ZFYVE26: variants seen among roughly 807,000 people sequenced by gnomAD.
The protein encoded by ZFYVE26 is zinc finger FYVE domain-containing protein 26.
Under a neutral mutation model 276.5 loss-of-function variants are expected in ZFYVE26, and 181 were observed. That is an observed-to-expected ratio of 0.65 (90% CI 0.58 to 0.74). ZFYVE26 has a LOEUF of 0.74. ZFYVE26 is among the 30% of genes least tolerant of loss of function. The probability of loss-of-function intolerance (pLI) is 0.00; values close to 1 mark genes in which losing one functional copy is unlikely to be tolerated. For missense variants in ZFYVE26, 2,821 were observed against 3,097.9 expected, an observed-to-expected ratio of 0.91 and a Z score of 2.12; for synonymous variants, 1,129 against 1,203.1, an observed-to-expected ratio of 0.94 and a Z score of 1.27.
intron 13 of ZFYVE26, among the ~76,000 whole-genome samples, chr14:67,738,598 T>G (rs2038379019): frequency 6.6e-6 from 1 of 151,940 alleles, no homozygotes; most frequent in Non-Finnish European, 1.5e-5. Context: ...ATTACACACA[T>G]GTAATATATA....
intron 25 of ZFYVE26, 34 bp downstream of exon 25, chr14:67,777,525 C>A (rs935716782): frequency 1.2e-6 from 2 of 1,612,194 alleles, no homozygotes; most frequent in Admixed American, 1.7e-5. Context: ...TTGGATCCCA[C>A]ATACAGCGCC....
intron 19 of ZFYVE26, among the ~76,000 whole-genome samples, 178 bp from the exon 20 acceptor site, chr14:67,784,614 T>C (rs1425391614): frequency 6.6e-6 from 1 of 152,210 alleles, no homozygotes; most frequent in African/African-American, 2.4e-5. Context: ...AAGTTTTATC[T>C]ATATCTTACC....
Position 67,778,111 on chromosome 14 carries a change from G to A in ZFYVE26, c.4797+15C>T. The stretch of plus-strand genomic sequence containing the variant: ...TCCCACCCCAGAAGAAAAATGGAAA[G>A]AACTGGGGGCTTACTTGCAGAGCCT... On this transcript the variant is annotated intron_variant, in intron 24 of 41. Transcript: ENST00000347230. The A allele has an allele frequency of 6.2e-7, 1 of 1,614,130 alleles. No homozygotes were observed. The highest frequency in any genetic ancestry group is 8.5e-7 in the Non-Finnish European group (1 of 1,179,998).
chr14:67,776,398 T>C (rs576798821), intron 25 of ZFYVE26, among the ~76,000 whole-genome samples: 3 of 152,334 alleles, frequency 2.0e-5, no homozygotes, highest in Admixed American at 6.5e-5. Flanking sequence ...GTCTCAAACA[T>C]TCAGCTCTGC....
At position 67,790,670 on chromosome 14, in the gene ZFYVE26, T is replaced by A. The variant is rs564425584; in HGVS notation, c.2657A>T (p.Lys886Met). 1.2e-6 allele frequency: 2 copies of A among 1,614,216 alleles called. No individual in the cohort carries two copies. Among genetic ancestry groups the A allele is most frequent in the Non-Finnish European group, 8.5e-7 (1 of 1,180,012 alleles). Reference sequence around the variant, plus strand: ...CGCATCTGAGTTCTGGTTTTCAATCTTGTGCTCTACTTGGGCCAGTTCTTG... The same window carrying A: ...CGCATCTGAGTTCTGGTTTTCAATCATGTGCTCTACTTGGGCCAGTTCTTG... ...VIQELAQVEH[K>M]IENQNSDAGS... Residue 886 changes from lysine to methionine, a missense_variant, in exon 15 of 42, where the codon AAG becomes ATG. Physicochemically the swap from Lys to Met is moderately conservative, Grantham distance 95 (BLOSUM62 -1). Coordinates refer to ENST00000347230, the MANE Select transcript of ZFYVE26 (RefSeq NM_015346.4).
At chr14:67,789,639 G>A (rs1746170389) in intron 15 of ZFYVE26, 41 bp from the exon 16 acceptor site, 3 of 1,612,858 alleles carry the variant, frequency 1.9e-6, no homozygotes, top group Non-Finnish European at 2.5e-6. Flanking sequence ...AGGGTTAAAA[G>A]GATTCTTACT....
At chr14:67,795,872 A>T (rs1252402145) in intron 12 of ZFYVE26, among the ~76,000 whole-genome samples, 1 of 152,234 alleles carries the variant, frequency 6.6e-6, no homozygotes. Context: ...GACCTTAGAC[A>T]TTAGGCAGTT....
intron 13 of ZFYVE26, among the ~76,000 whole-genome samples, chr14:67,734,868 A>T (rs2038333132): frequency 6.6e-6 from 1 of 152,084 alleles, no homozygotes; most frequent in South Asian, 2.1e-4. Context: ...AGAATGCATC[A>T]TTTCCTGCCG....
At chr14:67,731,235 G>A (rs1262610297) in intron 13 of ZFYVE26, among the ~76,000 whole-genome samples, 5 of 103,582 alleles carry the variant, frequency 4.8e-5, no homozygotes, top group Non-Finnish European at 7.1e-5. Context: ...TTTTTTTGGA[G>A]ACATAGTCTC....
At chr14:67,742,838 C>CTTCTTTTTTT (rs769663149), downstream of ZFYVE26, among the ~76,000 whole-genome samples, 351 of 89,732 alleles carry the variant, frequency 3.9e-3, no homozygotes, top group Non-Finnish European at 5.3e-3. Context: ...TCTTCTTCTT[C>CTTCTTTTTTT]TTTTTTTTTT....
intron 35 of ZFYVE26, 159 bp downstream of exon 35, chr14:67,761,207 T>A: frequency 1.4e-6 from 1 of 739,032 alleles, no homozygotes; most frequent in Non-Finnish European, 2.4e-6. Context: ...GAATAACAGT[T>A]GTGCAGAGTC....
chr14:67,772,598 A>AG (rs112792562), intron 27 of ZFYVE26, among the ~76,000 whole-genome samples: 2 of 152,166 alleles, frequency 1.3e-5, no homozygotes, highest in African/African-American at 2.4e-5. Context: ...AAAAAGAGGT[A>AG]GGGGGGATAA....
chr14:67,796,358 A>G (rs2039953368), intron 12 of ZFYVE26: 2 of 151,430 alleles, frequency 1.3e-5, no homozygotes, highest in African/African-American at 4.9e-5. Flanking sequence ...GGCACCCACC[A>G]CTACACCGAG....
intron 35 of ZFYVE26, among the ~76,000 whole-genome samples, chr14:67,760,348 C>G (rs1234893772): frequency 1.3e-5 from 2 of 152,208 alleles, no homozygotes; most frequent in East Asian, 3.8e-4. Flanking sequence ...AAAACACCCC[C>G]CTTCAGTGTC....
intron 10 of ZFYVE26, among the ~76,000 whole-genome samples, chr14:67,800,926 T>A (rs2874133): frequency 0.039 from 730 of 18,670 alleles, 10 homozygotes; most frequent in East Asian, 0.18. Flanking sequence ...AGTTACCGTA[T>A]AAATAAATAA....
Position 67,798,666 on chromosome 14 carries a change from C to T in ZFYVE26, c.1640-44G>A, listed in dbSNP as rs575450001. The T allele has an allele frequency of 5.0e-6, 8 of 1,612,368 alleles. No homozygotes were observed. In the East Asian group the frequency reaches 1.1e-4, roughly 22 times the overall value. On this transcript the variant is annotated intron_variant, in intron 10 of 41. Transcript: ENST00000347230. Reference sequence around the variant, plus strand: ...GAGAAGAGGCCAGAGAAAGAGAAGACAGAGAATGCAAACATTAGAAACATT... The same window carrying T: ...GAGAAGAGGCCAGAGAAAGAGAAGATAGAGAATGCAAACATTAGAAACATT...
intron 41 of ZFYVE26, among the ~76,000 whole-genome samples, chr14:67,748,850 T>A (rs984447779): frequency 5.3e-5 from 8 of 152,198 alleles, no homozygotes; most frequent in Admixed American, 3.9e-4. Flanking sequence ...TAAAAAGTTA[T>A]TACAAATAAG....
chr14:67,813,967 TTA>T lies in ZFYVE26; in HGVS notation c.273+17_273+18del. On this transcript the variant is annotated intron_variant, in intron 3 of 41. Coordinates refer to ENST00000347230, the MANE Select transcript of ZFYVE26 (RefSeq NM_015346.4). ...CTCAGTCCTGGCCTCGGAGGAAAATTTAATATAAACCTACTTACCTTTTCCCG... is the reference window on the plus strand; with the variant it reads ...CTCAGTCCTGGCCTCGGAGGAAAATTATATAAACCTACTTACCTTTTCCCG... 1 of 1,599,802 alleles carries T rather than the reference TTA, an allele frequency of 6.3e-7. No homozygotes were observed. Among genetic ancestry groups the T allele is most frequent in the South Asian group, 1.1e-5 (1 of 90,600 alleles).
In ZFYVE26 at chr14:67,807,441, C is replaced by T. The variant is rs770316012; in HGVS notation, c.843G>A (p.Glu281=). Residue 281 remains glutamate (E), a synonymous_variant, in exon 5 of 42, where the codon GAG becomes GAA. Transcript: ENST00000347230. ...LLSLYGHTYA[E]KVTEKPPRAT... The stretch of plus-strand genomic sequence containing the variant: ...CCCTCGGTGGCTTTTCTGTGACCTT[C>T]TCTGCATAGGTATGGCCATACAGGG... 1 of 1,614,192 alleles carries T rather than the reference C, an allele frequency of 6.2e-7. No individual in the cohort carries two copies. Among genetic ancestry groups the T allele is most frequent in the Non-Finnish European group, 8.5e-7 (1 of 1,180,030 alleles).
Sources: allele counts gnomAD v4.1 joint callset (sites outside exome capture counted in the v4.1 genomes callset), GRCh38; gene constraint gnomAD v4.1.1; transcripts MANE v1.5; gene names NCBI Gene and HGNC (gene_info 2026-07-23, HGNC 2026-07-21).